The following PARD3B variants were observed in gnomAD, a reference collection of about 807,000 sequenced individuals.
The protein encoded by PARD3B is partitioning defective 3 homolog B.
PARD3B carries 103 observed loss-of-function variants against 130.2 expected under a neutral mutation model. The observed-to-expected ratio is 0.79, with a 90% CI of 0.67 to 0.93. PARD3B has a LOEUF of 0.93. Ranked by LOEUF, PARD3B falls within the 40% of genes least tolerant of loss-of-function variation. The probability of loss-of-function intolerance (pLI) is 0.00; values close to 1 mark genes in which losing one functional copy is unlikely to be tolerated. For synonymous variants in PARD3B, 583 were observed against 553.2 expected (o/e 1.05, Z -0.76); for missense variants, 1,609 against 1,499.2 (o/e 1.07, Z -1.21).
Position 205,124,439 on chromosome 2 carries a change from C to T in PARD3B, c.1278C>T (p.Arg426=), listed in dbSNP as rs768910458. 6.3e-7 allele frequency: 1 copy of T among 1,597,002 alleles called. No individual in the cohort carries two copies. Among genetic ancestry groups the T allele is most frequent in the East Asian group, 2.3e-5 (1 of 44,150 alleles). ...AGGGAGCAGCAATAAAAGATGGCCG[C>T]CTACAATCAGGGGACAGAATTTTGG... ...LPKGAAIKDG[R]LQSGDRILEV... The change falls in exon 9 of 23, where the codon CGC becomes CGT. Residue 426 remains arginine (R), a synonymous_variant. Transcript: ENST00000406610.
rs528183636 is a variant in PARD3B, at chr2:205,392,475, A to G, written c.2631-8538A>G. Reference sequence around the variant, plus strand: ...GGGATTAAACAGGTTTGTTGTTTTCATATAGCTTGTCATCATCTTGGAAAC... The same window carrying G: ...GGGATTAAACAGGTTTGTTGTTTTCGTATAGCTTGTCATCATCTTGGAAAC... On this transcript the variant is annotated intron_variant, in intron 18 of 22. Coordinates refer to ENST00000406610, the MANE Select transcript of PARD3B (RefSeq NM_001302769.2). Among the ~76,000 whole-genome samples the G allele has an allele frequency of 8.5e-5, 13 of 152,334 alleles. No homozygotes were observed. In the South Asian group the frequency reaches 2.7e-3, roughly 32 times the overall value.
At chr2:204,889,023 A>G (rs2046360125) in intron 2 of PARD3B, among the ~76,000 whole-genome samples, 1 of 152,178 alleles carries the variant, frequency 6.6e-6, no homozygotes, top group African/African-American at 2.4e-5. Flanking sequence ...GTAGAGAGAT[A>G]AGTAGAGGTG....
chr2:204,924,107 T>C (rs1041163118), intron 2 of PARD3B, among the ~76,000 whole-genome samples: 1 of 152,054 alleles, frequency 6.6e-6, no homozygotes, highest in Admixed American at 6.6e-5. Flanking sequence ...TCAGATCTTA[T>C]GAGTCTTGTT....
In PARD3B at chr2:204,755,452, A is replaced by G. The variant is rs55974915; in HGVS notation, c.222+69170A>G. On this transcript the variant is annotated intron_variant, in intron 2 of 22. Transcript: ENST00000406610. ...CACATTATTACTGAGAAGCTTGTCA[A>G]CCAACCCAAACTCTTACGATAAATG... Among the ~76,000 whole-genome samples, 689 of 152,258 alleles carry G rather than the reference A, an allele frequency of 4.5e-3. 4 individuals are homozygous for G. The highest frequency in any genetic ancestry group is 7.6e-3 in the Non-Finnish European group (520 of 67,996).
At position 204,673,662 on chromosome 2, in the gene PARD3B, T is replaced by G. The variant is rs946832332; in HGVS notation, c.121-12519T>G. Reference sequence around the variant, plus strand: ...TTTCATGGAGGCCGGGCCTGACCCCTTATTTAAAAATACAAACTGCCTGTA... The same window carrying G: ...TTTCATGGAGGCCGGGCCTGACCCCGTATTTAAAAATACAAACTGCCTGTA... On this transcript the variant is annotated intron_variant, in intron 1 of 22. Coordinates refer to ENST00000406610, the MANE Select transcript of PARD3B (RefSeq NM_001302769.2). The surrounding 1 kb of genome is among the most constrained non-coding windows in gnomAD (Gnocchi z 4.7). Among the ~76,000 whole-genome samples, 2 of 152,200 alleles carry G rather than the reference T, an allele frequency of 1.3e-5. No homozygotes were observed. The highest frequency in any genetic ancestry group is 4.8e-5 in the African/African-American group (2 of 41,462).
intron 5 of PARD3B, 23 bp from the exon 6 acceptor site, chr2:205,113,468 G>A (rs761736177): frequency 6.3e-7 from 1 of 1,574,862 alleles, no homozygotes; most frequent in East Asian, 2.2e-5. Context: ...ACTCATTTGT[G>A]CTCTTGTTTT....
At chr2:204,884,651 C>G (rs370471785) in intron 2 of PARD3B, among the ~76,000 whole-genome samples, 1 of 152,092 alleles carries the variant, frequency 6.6e-6, no homozygotes, top group East Asian at 1.9e-4. Flanking sequence ...TTGTTCCCCT[C>G]TATGCATCCA....
intron 1 of PARD3B, among the ~76,000 whole-genome samples, chr2:204,637,251 T>C (rs1229238949): frequency 6.6e-6 from 1 of 152,146 alleles, no homozygotes; most frequent in Non-Finnish European, 1.5e-5. Context: ...TATTTTATAC[T>C]CTGTAAAAGT....
chr2:205,088,388 AAAT>A (rs1701871647), intron 4 of PARD3B, among the ~76,000 whole-genome samples: 2 of 152,222 alleles, frequency 1.3e-5, no homozygotes, highest in African/African-American at 4.8e-5. Flanking sequence ...GACAGAAAGA[AAAT>A]AAATAGATTG....
At chr2:204,897,126 G>A (rs2046667360) in intron 2 of PARD3B, among the ~76,000 whole-genome samples, 1 of 151,878 alleles carries the variant, frequency 6.6e-6, no homozygotes, top group Non-Finnish European at 1.5e-5. Context: ...TAATTTATAA[G>A]GTCTTCACAA....
At chr2:204,934,034 A>C (rs1257304978) in intron 2 of PARD3B, among the ~76,000 whole-genome samples, 1 of 152,176 alleles carries the variant, frequency 6.6e-6, no homozygotes, top group Non-Finnish European at 1.5e-5. Context: ...ACAGTTGAAG[A>C]AAGGGAGGCT....
At chr2:205,025,234 GT>G (rs1660118684) in intron 3 of PARD3B, among the ~76,000 whole-genome samples, 1 of 152,198 alleles carries the variant, frequency 6.6e-6, no homozygotes, top group Admixed American at 6.5e-5. Flanking sequence ...TTAGTCAGGA[GT>G]TTCTGTATGC....
chr2:205,223,739 A>T (rs778104067), intron 15 of PARD3B, among the ~76,000 whole-genome samples: 1 of 152,192 alleles, frequency 6.6e-6, no homozygotes, highest in Non-Finnish European at 1.5e-5. Context: ...TATTGTCCTC[A>T]GCCACTGATC....
chr2:204,600,546 G>A (rs749512627), intron 1 of PARD3B, among the ~76,000 whole-genome samples: 2 of 151,828 alleles, frequency 1.3e-5, no homozygotes, highest in Admixed American at 6.6e-5. Flanking sequence ...CCAGTACCAC[G>A]ATGTTTTGGT....
chr2:205,209,993 G>A (rs1183139863), intron 15 of PARD3B, among the ~76,000 whole-genome samples: 1 of 151,822 alleles, frequency 6.6e-6, no homozygotes, highest in South Asian at 2.1e-4. Context: ...GTATGCCTAG[G>A]TCAGAACATC....
intron 19 of PARD3B, among the ~76,000 whole-genome samples, chr2:205,438,151 C>G (rs1359119985): frequency 6.6e-6 from 1 of 152,106 alleles, no homozygotes; most frequent in African/African-American, 2.4e-5. Flanking sequence ...GAAACACTCA[C>G]TGGTGCAGAG....
At chr2:204,889,705 A>G (rs771327585) in intron 2 of PARD3B, among the ~76,000 whole-genome samples, 37 of 152,254 alleles carry the variant, frequency 2.4e-4, no homozygotes, top group Non-Finnish European at 4.8e-4. Context: ...AATGATTTCC[A>G]ACAGTCAGCA....
chr2:204,990,330 A>G (rs1693549730), intron 3 of PARD3B, among the ~76,000 whole-genome samples: 1 of 152,034 alleles, frequency 6.6e-6, no homozygotes, highest in African/African-American at 2.4e-5. Flanking sequence ...ATATGCATAC[A>G]ATGCATAATG....
intron 11 of PARD3B, among the ~76,000 whole-genome samples, chr2:205,164,207 A>T (rs560769136): frequency 6.6e-6 from 1 of 152,328 alleles, no homozygotes; most frequent in African/African-American, 2.4e-5. Flanking sequence ...TTTCCGTTTT[A>T]AAAAAATCTG....
Sources: allele counts gnomAD v4.1 joint callset (sites outside exome capture counted in the v4.1 genomes callset), GRCh38; gene constraint gnomAD v4.1.1; non-coding constraint Gnocchi (gnomAD v3.1); transcripts MANE v1.5; gene names NCBI Gene and HGNC (gene_info 2026-07-23, HGNC 2026-07-21).